Variants in INPP5B observed in about 807,000 individuals in gnomAD.
INPP5B encodes inositol polyphosphate-5-phosphatase B.
In INPP5B, 90 loss-of-function variants were observed where a neutral mutation model predicts 118.5. The ratio of observed to expected loss-of-function variants is 0.76; its 90% CI spans 0.64 to 0.90. The LOEUF (loss-of-function observed/expected upper bound fraction) is 0.90. INPP5B is among the 40% of genes least tolerant of loss of function. The pLI is 0.00. For synonymous variants in INPP5B, 385 were observed against 418.9 expected, an observed-to-expected ratio of 0.92 and a Z score of 0.99; for missense variants, 984 against 1,125.6, an observed-to-expected ratio of 0.87 and a Z score of 1.80.
At position 37,876,857 on chromosome 1, in the gene INPP5B, G is replaced by T. The variant is rs1642861976; in HGVS notation, c.1678-1141C>A. Among the ~76,000 whole-genome samples the T allele has an allele frequency of 2.0e-5, 3 of 151,886 alleles. No homozygotes were observed. The South Asian group carries it at 6.2e-4, about 32-fold the overall frequency. On this transcript the variant is annotated intron_variant, in intron 16 of 23. Coordinates refer to ENST00000373024, the MANE Select transcript of INPP5B (RefSeq NM_005540.3). Reference sequence around the variant, plus strand: ...ATGGCGCCACTGCACTCCAGCCTGGGTGACAGAGCAAGACTCCATCTCAAA... The same window carrying T: ...ATGGCGCCACTGCACTCCAGCCTGGTTGACAGAGCAAGACTCCATCTCAAA...
At chr1:37,897,072 C>A (rs1167773326) in intron 7 of INPP5B, among the ~76,000 whole-genome samples, 1 of 148,404 alleles carries the variant, frequency 6.7e-6, no homozygotes, top group Non-Finnish European at 1.5e-5. Flanking sequence ...GTGAGGAGCC[C>A]CTCTGCCCGG....
chr1:37,914,159 T>G (rs529646705), intron 7 of INPP5B, among the ~76,000 whole-genome samples: 30 of 152,352 alleles, frequency 2.0e-4, no homozygotes, highest in African/African-American at 5.8e-4. Context: ...ACTCTTCACA[T>G]GGAAGCACGT....
chr1:37,919,160 G>A lies in INPP5B; in HGVS notation c.532+12753C>T, dbSNP rs529335470. 3.3e-5 allele frequency among the ~76,000 whole-genome samples: 5 copies of A among 152,254 alleles called. No homozygotes were observed. The East Asian group carries it at 7.7e-4, about 23-fold the overall frequency. On this transcript the variant is annotated intron_variant, in intron 7 of 23. Coordinates refer to ENST00000373024, the MANE Select transcript of INPP5B (RefSeq NM_005540.3). ...AAGGGTAAGTACGATGTGAATAGAA[G>A]GTTTAAATCTGTTTGGATAACCAAG...
chr1:37,902,600 C>G (rs1644370943), intron 7 of INPP5B, among the ~76,000 whole-genome samples: 1 of 152,050 alleles, frequency 6.6e-6, no homozygotes, highest in Non-Finnish European at 1.5e-5. Context: ...TCTTGTTAAC[C>G]AGGCTGGAGT....
At chr1:37,869,593 C>A (rs896416882) in intron 19 of INPP5B, among the ~76,000 whole-genome samples, 3 of 151,972 alleles carry the variant, frequency 2.0e-5, no homozygotes, top group Non-Finnish European at 1.5e-5. Context: ...GATTCTCCTG[C>A]CTCAGCCTCC....
At chr1:37,863,727 G>A (rs529859455) in intron 23 of INPP5B, among the ~76,000 whole-genome samples, 1 of 150,046 alleles carries the variant, frequency 6.7e-6, no homozygotes. Context: ...AAACACACAC[G>A]CACAAAACCA....
At position 37,891,413 on chromosome 1, in the gene INPP5B, C is replaced by T. The variant is rs201157911; in HGVS notation, c.574G>A (p.Val192Met). The T allele has an allele frequency of 4.0e-5, 64 of 1,613,948 alleles. No homozygotes were observed. Among genetic ancestry groups the T allele is most frequent in the Non-Finnish European group, 1.1e-5 (13 of 1,179,958 alleles). The change falls in exon 8 of 24, where the codon GTG becomes ATG. Residue 192 changes from valine to methionine, a missense_variant. By Grantham distance (21) the Val-to-Met change is conservative (BLOSUM62 1). This residue lies in a region of INPP5B where 350 missense variants were observed against 334.6 expected (regional missense o/e 1.05). Coordinates refer to ENST00000373024, the MANE Select transcript of INPP5B (RefSeq NM_005540.3). ...CCCCTGGAGCTTTGGTCCATAGGCA[C>T]TCCCTTCCCATTTGGTCTCAAACCA... ...FDGLRPNGKG[V>M]PMDQSSRGQD...
At chr1:37,946,152 G>A (rs750454024) in intron 2 of INPP5B, 100 bp downstream of exon 2, 2 of 1,132,620 alleles carry the variant, frequency 1.8e-6, no homozygotes, top group Non-Finnish European at 2.6e-6. Flanking sequence ...TCCCCTGATG[G>A]TTCAGAGGGG....
intron 7 of INPP5B, among the ~76,000 whole-genome samples, chr1:37,894,548 GTTTTTCT>G (rs1466774248): frequency 2.7e-5 from 4 of 148,726 alleles, no homozygotes; most frequent in Admixed American, 1.3e-4. Context: ...ATGCGTCTAT[GTTTTTCT>G]TTTTTCTTTT....
chr1:37,882,447 G>A (rs552336768), intron 14 of INPP5B, among the ~76,000 whole-genome samples: 2 of 152,290 alleles, frequency 1.3e-5, no homozygotes, highest in South Asian at 4.1e-4. Flanking sequence ...CAGAGGAGAA[G>A]GAGGCTCATT....
Position 37,947,040 on chromosome 1 carries a change from G to A in INPP5B, c.-77C>T, listed in dbSNP as rs533419432. ...ACGGGACTCCGCTGCCCCAGGTTCC[G>A]GGACAGTGACTACATTTCCCAACAG... On this transcript the variant is annotated 5_prime_UTR_variant, in exon 1 of 24. Transcript: ENST00000373024. 2.6e-5 allele frequency: 4 copies of A among 152,308 alleles called. No individual in the cohort carries two copies. The highest frequency in any genetic ancestry group is 1.9e-4 in the East Asian group (1 of 5,176). 9.4% of individuals were successfully genotyped at this position (152,308 alleles called of 1,614,324 possible).
At chr1:37,886,037 G>A (rs1353191623) in intron 12 of INPP5B, among the ~76,000 whole-genome samples, 2 of 152,012 alleles carry the variant, frequency 1.3e-5, no homozygotes, top group Non-Finnish European at 2.9e-5. Flanking sequence ...AATTAGCTGG[G>A]TGTGGTGGCA....
At chr1:37,914,071 G>T (rs1644790148) in intron 7 of INPP5B, among the ~76,000 whole-genome samples, 1 of 151,984 alleles carries the variant, frequency 6.6e-6, no homozygotes, top group South Asian at 2.1e-4. Context: ...ACCCTTTGCT[G>T]ACTCCTTTTT....
intron 19 of INPP5B, among the ~76,000 whole-genome samples, chr1:37,872,047 G>C (rs1167652056): frequency 1.8e-5 from 2 of 113,832 alleles, no homozygotes. Flanking sequence ...CTGGACAACA[G>C]AGTGAGACTC....
intron 12 of INPP5B, 41 bp from the exon 13 acceptor site, chr1:37,885,866 T>C: frequency 1.3e-6 from 2 of 1,585,756 alleles, no homozygotes; most frequent in Non-Finnish European, 8.6e-7. Context: ...TCAAACTTAA[T>C]TGTGTCAGTC....
intron 21 of INPP5B, 66 bp from the exon 22 acceptor site, chr1:37,865,954 A>G: frequency 6.3e-7 from 1 of 1,593,842 alleles, no homozygotes; most frequent in East Asian, 2.3e-5. Flanking sequence ...GCCCAGGAGC[A>G]AGCACATGCC....
chr1:37,939,633 C>T (rs1216535933), intron 6 of INPP5B, among the ~76,000 whole-genome samples: 2 of 123,744 alleles, frequency 1.6e-5, no homozygotes, highest in Non-Finnish European at 3.8e-5. Flanking sequence ...TTAGTAGAGA[C>T]GGGGTTTCAC....
chr1:37,931,711 A>T (rs1645473586), intron 7 of INPP5B: 2 of 1,548,804 alleles, frequency 1.3e-6, no homozygotes, highest in Non-Finnish European at 8.7e-7. Context: ...GGCGGCAGAC[A>T]TTTCCCTGCC....
intron 23 of INPP5B, 78 bp from the exon 24 acceptor site, chr1:37,862,508 A>G: frequency 1.1e-6 from 1 of 879,850 alleles, no homozygotes; most frequent in Non-Finnish European, 1.9e-6. Context: ...CGACAGGGAT[A>G]TGTTCTGAGA....
Sources: gnomAD v4.1 joint callset for allele counts (sites outside exome capture counted in the v4.1 genomes callset) on GRCh38, gnomAD v4.1.1 for gene constraint, gnomAD v4.1.1 regional missense constraint, MANE v1.5 for transcripts, NCBI Gene and HGNC (gene_info 2026-07-23, HGNC 2026-07-21) for gene names.